The following PALS2 variants were observed in gnomAD, a reference collection of about 807,000 sequenced individuals.
PALS2 encodes the protein protein associated with LIN7 2, MAGUK p55 family member, also known as protein PALS2.
A neutral mutation model predicts 61.6 loss-of-function variants in PALS2; 27 were observed. The ratio of observed to expected loss-of-function variants is 0.44; its 90% confidence interval spans 0.32 to 0.60. The LOEUF is 0.60. Among genes scored for constraint, PALS2 ranks in the 20% least tolerant of loss-of-function variants. The pLI, the probability that PALS2 is intolerant of heterozygous loss-of-function variation, is 0.05. For missense variants in PALS2, 554 were observed against 639.4 expected, an observed-to-expected ratio of 0.87 and a Z score of 1.44; for synonymous variants, 236 against 218.6, an observed-to-expected ratio of 1.08 and a Z score of -0.70.
At chr7:24,683,658 T>C (rs558066721) in intron 11 of PALS2, among the ~76,000 whole-genome samples, 1 of 152,306 alleles carries the variant, frequency 6.6e-6, no homozygotes, top group South Asian at 2.1e-4. Context: ...TCTGGTTTCT[T>C]TTAGGGTAAA....
At chr7:24,577,271 CT>C (rs59851624) in intron 1 of PALS2, among the ~76,000 whole-genome samples, 7,298 of 131,124 alleles carry the variant, frequency 0.056, 574 homozygotes, top group African/African-American at 0.18. Context: ...TCCTTTTTTC[CT>C]TTTTTTTTTT....
chr7:24,685,876 T>C (rs1788174146), intron 11 of PALS2, among the ~76,000 whole-genome samples: 1 of 152,130 alleles, frequency 6.6e-6, no homozygotes, highest in South Asian at 2.1e-4. Context: ...GTTGAGTGCT[T>C]CCATCAACAT....
intron 9 of PALS2, among the ~76,000 whole-genome samples, chr7:24,670,770 C>A (rs1348826870): frequency 1.3e-5 from 2 of 152,180 alleles, no homozygotes; most frequent in Non-Finnish European, 2.9e-5. Flanking sequence ...TTATTTTGGA[C>A]ATTTTATATA....
At chr7:24,579,841 T>C (rs957202929) in intron 1 of PALS2, among the ~76,000 whole-genome samples, 6 of 152,246 alleles carry the variant, frequency 3.9e-5, no homozygotes, top group Non-Finnish European at 7.3e-5. Flanking sequence ...CAATTTTTTA[T>C]AAATCTTGGT....
intron 6 of PALS2, 80 bp from the exon 7 acceptor site, chr7:24,665,508 G>A: frequency 7.9e-7 from 1 of 1,268,184 alleles, no homozygotes. Context: ...TTTTTTGACT[G>A]ACCACTGCTT....
intron 5 of PALS2, among the ~76,000 whole-genome samples, chr7:24,654,208 G>C (rs1407883024): frequency 7.0e-6 from 1 of 143,698 alleles, no homozygotes; most frequent in Non-Finnish European, 1.5e-5. Flanking sequence ...CCTTTGCCTA[G>C]TTAAAAAAAA....
chr7:24,623,282 G>A (rs1057162579), intron 1 of PALS2, among the ~76,000 whole-genome samples: 1 of 151,414 alleles, frequency 6.6e-6, no homozygotes, highest in Non-Finnish European at 1.5e-5. Context: ...AGCAGTGAAG[G>A]CTGGTTCTGA....
In PALS2 at chr7:24,596,259, C is replaced by T. The variant is rs911090864; in HGVS notation, c.-3+22666C>T. 2.6e-5 allele frequency among the ~76,000 whole-genome samples: 4 copies of T among 152,036 alleles called. No individual in the cohort carries two copies. The highest frequency in any genetic ancestry group is 2.6e-4 in the Admixed American group (4 of 15,238). On this transcript the variant is annotated intron_variant, in intron 1 of 11. Coordinates refer to ENST00000222644, the MANE Select transcript of PALS2 (RefSeq NM_001303037.2). The surrounding 1 kb of genome is among the most constrained non-coding windows in gnomAD (Gnocchi z 4.5). Reference sequence around the variant, plus strand: ...CAGGCAAGAATTGATGGTGGCTTAGCGTAGGGGGATAGCAGTGAATGGGCA... The same window carrying T: ...CAGGCAAGAATTGATGGTGGCTTAGTGTAGGGGGATAGCAGTGAATGGGCA...
chr7:24,639,990 T>C (rs1053142767), intron 2 of PALS2, among the ~76,000 whole-genome samples: 19 of 152,068 alleles, frequency 1.2e-4, no homozygotes, highest in African/African-American at 4.6e-4. Flanking sequence ...CTAATTTTTG[T>C]ATTCTTAGTA....
rs1782841456 is a variant in PALS2 at position 24,581,418 on chromosome 7, T to C, written c.-3+7825T>C. On this transcript the variant is annotated intron_variant, in intron 1 of 11. Transcript: ENST00000222644. ...AACTTTCCAAATGCGGTGACATTCA[T>C]AGGTGTCAGGAATTAAGACATAGAT... is the stretch of plus-strand genomic sequence containing the variant. Among the ~76,000 whole-genome samples, 5 of 152,264 alleles carry C rather than the reference T, an allele frequency of 3.3e-5. No homozygotes were observed. In the South Asian group the frequency reaches 1.0e-3, roughly 32 times the overall value.
intron 11 of PALS2, among the ~76,000 whole-genome samples, chr7:24,685,999 A>C (rs996109724): frequency 6.6e-6 from 1 of 152,076 alleles, no homozygotes; most frequent in South Asian, 2.1e-4. Flanking sequence ...TGGATGTCTC[A>C]CAGACATCTT....
chr7:24,644,887 C>T (rs1785750520), intron 3 of PALS2, among the ~76,000 whole-genome samples: 1 of 152,058 alleles, frequency 6.6e-6, no homozygotes, highest in South Asian at 2.1e-4. Flanking sequence ...TTGCGTTTCT[C>T]TAACGATCAG....
At chr7:24,579,988 A>G (rs956523487) in intron 1 of PALS2, among the ~76,000 whole-genome samples, 1 of 152,150 alleles carries the variant, frequency 6.6e-6, no homozygotes, top group African/African-American at 2.4e-5. Context: ...TTTTAAAGAA[A>G]AATGTATGAG....
rs79599537 is a variant in PALS2 at position 24,620,865 on chromosome 7, G to C, written c.-2-2801G>C. On this transcript the variant is annotated intron_variant, in intron 1 of 11. Transcript: ENST00000222644. ...GTATATAGGAGTGTGAAACAAGATT[G>C]GCCATGAGTTGCTAATTGTTGGAGC... Among the ~76,000 whole-genome samples the C allele has an allele frequency of 2.6e-5, 4 of 152,052 alleles. No individual in the cohort carries two copies. In the East Asian group the frequency reaches 7.7e-4, roughly 29 times the overall value.
chr7:24,643,334 A>G (rs1477530547), intron 3 of PALS2, among the ~76,000 whole-genome samples: 1 of 152,168 alleles, frequency 6.6e-6, no homozygotes, highest in Non-Finnish European at 1.5e-5. Context: ...ATTTTAGAAT[A>G]CCAGCAAATA....
At chr7:24,608,754 C>T (rs998239879) in intron 1 of PALS2, among the ~76,000 whole-genome samples, 3 of 152,058 alleles carry the variant, frequency 2.0e-5, no homozygotes, top group African/African-American at 7.2e-5. Flanking sequence ...GGCACATTGC[C>T]ACCATGCCCA....
At chr7:24,600,453 TTTG>T (rs1358637188) in intron 1 of PALS2, among the ~76,000 whole-genome samples, 1 of 152,168 alleles carries the variant, frequency 6.6e-6, no homozygotes, top group Non-Finnish European at 1.5e-5. Flanking sequence ...AGAAAAAAGG[TTTG>T]TTATTTTAAG....
chr7:24,620,869 A>G lies in PALS2; in HGVS notation c.-2-2797A>G, dbSNP rs553784480. Reference sequence around the variant, plus strand: ...ATAGGAGTGTGAAACAAGATTGGCCATGAGTTGCTAATTGTTGGAGCTGAT... The same window carrying G: ...ATAGGAGTGTGAAACAAGATTGGCCGTGAGTTGCTAATTGTTGGAGCTGAT... On this transcript the variant is annotated intron_variant, in intron 1 of 11. Transcript: ENST00000222644. 2.6e-4 allele frequency among the ~76,000 whole-genome samples: 40 copies of G among 152,152 alleles called. 1 individual carries two copies. Among genetic ancestry groups the G allele is most frequent in the Non-Finnish European group, 5.3e-4 (36 of 67,976 alleles).
intron 1 of PALS2, among the ~76,000 whole-genome samples, chr7:24,579,061 T>A (rs1782741668): frequency 6.6e-6 from 1 of 152,176 alleles, no homozygotes; most frequent in South Asian, 2.1e-4. Flanking sequence ...CTAACTTCCT[T>A]TATATAAAGT....
Sources: gnomAD v4.1 joint callset for allele counts (sites outside exome capture counted in the v4.1 genomes callset) on GRCh38, gnomAD v4.1.1 for gene constraint, Gnocchi (gnomAD v3.1) non-coding constraint, MANE v1.5 for transcripts, NCBI Gene and HGNC (gene_info 2026-07-23, HGNC 2026-07-21) for gene names.